Variants in CLYBL observed in about 807,000 individuals in gnomAD.
The protein encoded by CLYBL is citramalyl-CoA lyase, mitochondrial.
Under a neutral mutation model 38.9 loss-of-function variants are expected in CLYBL, and 31 were observed. The ratio of observed to expected loss-of-function variants is 0.80; its 90% CI spans 0.60 to 1.08. The LOEUF (loss-of-function observed/expected upper bound fraction) is 1.08. Among genes scored for constraint, CLYBL ranks in the 50% least tolerant of loss-of-function variants. CLYBL has a pLI of 0.00. For missense variants in CLYBL, 434 were observed against 411.6 expected (o/e 1.05, Z -0.47); for synonymous variants, 171 against 158.6 (o/e 1.08, Z -0.59).
At chr13:99,682,041 T>G (rs1326841316) in intron 1 of CLYBL, among the ~76,000 whole-genome samples, 3 of 152,202 alleles carry the variant, frequency 2.0e-5, no homozygotes, top group Non-Finnish European at 4.4e-5. Context: ...ACCGCACACC[T>G]AGGCTGTGTG....
chr13:99,903,616 G>A (rs892298716), intron 8 of CLYBL, among the ~76,000 whole-genome samples: 5 of 152,164 alleles, frequency 3.3e-5, no homozygotes, highest in Admixed American at 1.3e-4. Context: ...TGGATAACTG[G>A]CTTAAAACTC....
At chr13:99,870,444 GTAA>G (rs775418975) in intron 6 of CLYBL, among the ~76,000 whole-genome samples, 4,462 of 152,220 alleles carry the variant, frequency 0.029, no homozygotes, top group Non-Finnish European at 0.045. Context: ...GACTGCCTCT[GTAA>G]GCTTTATGAA....
chr13:99,737,743 C>G (rs1002282732), intron 1 of CLYBL, among the ~76,000 whole-genome samples: 8 of 152,174 alleles, frequency 5.3e-5, no homozygotes, highest in Non-Finnish European at 1.0e-4. Flanking sequence ...CCTTGTTTGT[C>G]CCATGACCCA....
At chr13:99,732,383 G>A (rs1412615584) in intron 1 of CLYBL, among the ~76,000 whole-genome samples, 1 of 151,966 alleles carries the variant, frequency 6.6e-6, no homozygotes, top group African/African-American at 2.4e-5. Flanking sequence ...TCGTAGAGAT[G>A]GGGTCTCAGC....
chr13:99,695,520 T>G (rs1230436435), intron 1 of CLYBL, among the ~76,000 whole-genome samples: 3 of 152,136 alleles, frequency 2.0e-5, no homozygotes, highest in Non-Finnish European at 4.4e-5. Context: ...GTGACATTTT[T>G]TTTTTCCTTT....
intron 1 of CLYBL, among the ~76,000 whole-genome samples, chr13:99,684,035 A>ATTTTTTTTTTTTTTTTT (rs778902077): frequency 6.9e-5 from 6 of 86,380 alleles, no homozygotes; most frequent in Admixed American, 2.7e-4. Context: ...TGCCTGGCTA[A>ATTTTTTTTTTTTTTTTT]TTTTTTTTTT....
At chr13:99,831,654 AT>A (rs773131679) in intron 2 of CLYBL, among the ~76,000 whole-genome samples, 8 of 149,604 alleles carry the variant, frequency 5.3e-5, no homozygotes, top group Non-Finnish European at 7.4e-5. Context: ...TGAAGTAAGC[AT>A]TTTTTTTTGC....
intron 7 of CLYBL, among the ~76,000 whole-genome samples, chr13:99,880,696 GAGA>G (rs1253283288): frequency 1.3e-5 from 2 of 152,214 alleles, no homozygotes; most frequent in Non-Finnish European, 2.9e-5. Flanking sequence ...TTTCTGTGTG[GAGA>G]AGATGATCCC....
At chr13:99,846,566 T>G (rs2051211183) in intron 2 of CLYBL, among the ~76,000 whole-genome samples, 1 of 152,226 alleles carries the variant, frequency 6.6e-6, no homozygotes, top group Non-Finnish European at 1.5e-5. Context: ...GACTAATTAA[T>G]GTGCTGCTGA....
At chr13:99,901,146 G>C (rs1209603374), downstream of CLYBL, among the ~76,000 whole-genome samples, 1 of 152,206 alleles carries the variant, frequency 6.6e-6, no homozygotes, top group Non-Finnish European at 1.5e-5. Flanking sequence ...GCCATGCTGA[G>C]CTGGCTCCCT....
intron 1 of CLYBL, among the ~76,000 whole-genome samples, chr13:99,634,181 C>G (rs1172401028): frequency 6.6e-6 from 1 of 152,168 alleles, no homozygotes; most frequent in Non-Finnish European, 1.5e-5. Flanking sequence ...GACTGCTTAT[C>G]AGAAACAGTG....
At chr13:99,757,734 T>G (rs1032841893) in intron 1 of CLYBL, among the ~76,000 whole-genome samples, 9 of 152,216 alleles carry the variant, frequency 5.9e-5, no homozygotes, top group African/African-American at 2.2e-4. Context: ...GTTGGGATTA[T>G]AGGCGTGAAC....
At chr13:99,859,128 G>A in intron 3 of CLYBL, 79 bp downstream of exon 3, 1 of 1,203,088 alleles carries the variant, frequency 8.3e-7, no homozygotes, top group Admixed American at 2.6e-5. Flanking sequence ...GGGTGCCACA[G>A]GTTTGGAAAA....
At chr13:99,649,470 C>A (rs1195330360) in intron 1 of CLYBL, among the ~76,000 whole-genome samples, 3 of 152,110 alleles carry the variant, frequency 2.0e-5, no homozygotes, top group Non-Finnish European at 4.4e-5. Context: ...AGTAGGTGTA[C>A]CTTTGCAATG....
chr13:99,797,979 T>C (rs1035465291), intron 2 of CLYBL, among the ~76,000 whole-genome samples: 7 of 152,248 alleles, frequency 4.6e-5, no homozygotes, highest in Admixed American at 3.3e-4. Flanking sequence ...AATTTGCATC[T>C]TTAAAGAGGT....
chr13:99,891,189 A>G, intron 7 of CLYBL, 129 bp from the exon 8 acceptor site: 2 of 691,200 alleles, frequency 2.9e-6, no homozygotes, highest in South Asian at 3.9e-5. Context: ...TGGCTTTCTC[A>G]AAAGTTGGGC....
intron 2 of CLYBL, among the ~76,000 whole-genome samples, chr13:99,780,989 C>T (rs1054436277): frequency 2.0e-5 from 3 of 151,952 alleles, no homozygotes; most frequent in Non-Finnish European, 4.4e-5. Context: ...GCTGGGATTA[C>T]AGGCATGAGC....
chr13:99,773,647 A>G (rs991774187), intron 2 of CLYBL, among the ~76,000 whole-genome samples: 3 of 152,152 alleles, frequency 2.0e-5, no homozygotes, highest in African/African-American at 7.2e-5. Flanking sequence ...CCTGGTGCCA[A>G]AAAGGTTGGG....
intron 9 of CLYBL, among the ~76,000 whole-genome samples, chr13:99,907,204 T>C (rs1438773616): frequency 6.6e-6 from 1 of 152,238 alleles, no homozygotes; most frequent in African/African-American, 2.4e-5. Context: ...CTGGCTCTCC[T>C]GCTTCTTAGG....
Sources: gnomAD v4.1 joint callset for allele counts (sites outside exome capture counted in the v4.1 genomes callset) on GRCh38, gnomAD v4.1.1 for gene constraint, MANE v1.5 for transcripts, NCBI Gene and HGNC (gene_info 2026-07-23, HGNC 2026-07-21) for gene names.